MCHR2: variants seen among roughly 807,000 people sequenced by gnomAD.
MCHR2 encodes melanin-concentrating hormone receptor 2.
MCHR2 carries 15 observed loss-of-function variants against 24.8 expected under a neutral mutation model. The observed-to-expected ratio is 0.60, with a 90% CI of 0.40 to 0.93. MCHR2 has a LOEUF of 0.93. Ranked by LOEUF, MCHR2 falls within the 40% of genes least tolerant of loss-of-function variation. MCHR2 has a pLI of 0.00. For synonymous variants in MCHR2, 151 were observed against 147.6 expected, an observed-to-expected ratio of 1.02 and a Z score of -0.17; for missense variants, 386 against 408.7, an observed-to-expected ratio of 0.94 and a Z score of 0.48.
chr6:99,983,340 T>G (rs1246563448), intron 1 of MCHR2, among the ~76,000 whole-genome samples: 1 of 152,158 alleles, frequency 6.6e-6, no homozygotes, highest in Non-Finnish European at 1.5e-5. Flanking sequence ...TACTTAGATG[T>G]TTGTCTATAG....
intron 4 of MCHR2, among the ~76,000 whole-genome samples, chr6:99,935,846 C>A (rs1024209244): frequency 6.6e-6 from 1 of 151,876 alleles, no homozygotes; most frequent in Non-Finnish European, 1.5e-5. Flanking sequence ...TGTTCACATC[C>A]TTGTCAGCAT....
chr6:99,975,365 C>T (rs185837325), intron 1 of MCHR2, among the ~76,000 whole-genome samples: 167 of 152,320 alleles, frequency 1.1e-3, no homozygotes, highest in African/African-American at 3.9e-3. Context: ...CCGTAGGACC[C>T]TCTGAGCCAG....
At chr6:99,941,061 G>A (rs1429610034) in intron 4 of MCHR2, among the ~76,000 whole-genome samples, 7 of 152,026 alleles carry the variant, frequency 4.6e-5, no homozygotes. Flanking sequence ...GGCAGAGACA[G>A]GTATTTTGTC....
chr6:99,931,554 T>C (rs1449928209), intron 5 of MCHR2, among the ~76,000 whole-genome samples: 2 of 152,024 alleles, frequency 1.3e-5, no homozygotes, highest in African/African-American at 2.4e-5. Context: ...CGGGCAACCC[T>C]CCCCCACCCT....
In MCHR2 at chr6:99,947,965, C is replaced by T. The variant is rs199952808; in HGVS notation, c.189G>A (p.Arg63=). ...ILIVFTIIRS[R]KKTVPDIYIC... ...TATAGATGTCAGGGACTGTTTTTTTCCTGGATCTGAAAGAGATAGAGGAAA... is the reference window on the plus strand; with the variant it reads ...TATAGATGTCAGGGACTGTTTTTTTTCTGGATCTGAAAGAGATAGAGGAAA... The change falls in exon 3 of 6, where the codon AGG becomes AGA. Residue 63 remains arginine (R), a synonymous_variant. Coordinates refer to ENST00000281806, the MANE Select transcript of MCHR2 (RefSeq NM_001040179.2). 50 of 1,612,994 alleles carry T rather than the reference C, an allele frequency of 3.1e-5. No individual in the cohort carries two copies. The highest frequency in any genetic ancestry group is 4.1e-5 in the Non-Finnish European group (48 of 1,179,368).
intron 4 of MCHR2, among the ~76,000 whole-genome samples, chr6:99,941,543 T>G (rs1185139405): frequency 6.6e-6 from 1 of 152,126 alleles, no homozygotes; most frequent in Non-Finnish European, 1.5e-5. Context: ...AAGTAGGGTC[T>G]TTGGGAACTA....
intron 1 of MCHR2, among the ~76,000 whole-genome samples, chr6:99,969,258 G>A (rs1290512965): frequency 6.6e-6 from 1 of 151,840 alleles, no homozygotes; most frequent in Non-Finnish European, 1.5e-5. Context: ...GGAGGATCAC[G>A]ATGTTAGGAG....
chr6:99,951,377 T>C (rs1582387935), intron 2 of MCHR2, among the ~76,000 whole-genome samples: 1 of 152,258 alleles, frequency 6.6e-6, no homozygotes, highest in South Asian at 2.1e-4. Flanking sequence ...CCTGCGTGAT[T>C]AGAGATGACT....
chr6:99,990,836 C>T (rs1775859489), intron 1 of MCHR2, among the ~76,000 whole-genome samples: 1 of 151,038 alleles, frequency 6.6e-6, no homozygotes, highest in Non-Finnish European at 1.5e-5. Context: ...CTGCCCAAGG[C>T]CTCAGTATCC....
chr6:99,954,719 G>C (rs1467923597), intron 2 of MCHR2, among the ~76,000 whole-genome samples: 2 of 152,148 alleles, frequency 1.3e-5, no homozygotes, highest in African/African-American at 2.4e-5. Flanking sequence ...ATTGTTTATT[G>C]GTTGGATGTC....
chr6:99,976,045 AG>A, intron 1 of MCHR2, among the ~76,000 whole-genome samples: 1 of 152,320 alleles, frequency 6.6e-6, no homozygotes, highest in Non-Finnish European at 1.5e-5. Context: ...TTATACAACT[AG>A]GGGAAGGTCT....
intron 1 of MCHR2, among the ~76,000 whole-genome samples, chr6:99,977,218 C>A (rs144089000): frequency 6.6e-6 from 1 of 152,290 alleles, no homozygotes; most frequent in East Asian, 1.9e-4. Flanking sequence ...TGTTCAAAAT[C>A]TCCTTTGATC....
chr6:99,923,597 TAAAG>T (rs1423488807), intron 5 of MCHR2, among the ~76,000 whole-genome samples: 1 of 152,088 alleles, frequency 6.6e-6, no homozygotes, highest in East Asian at 1.9e-4. Context: ...GTTTTTATCA[TAAAG>T]AGATGTTGAA....
chr6:99,958,097 T>A (rs1775101794), intron 1 of MCHR2, among the ~76,000 whole-genome samples: 1 of 151,622 alleles, frequency 6.6e-6, no homozygotes, highest in Non-Finnish European at 1.5e-5. Context: ...ATTATAAAGA[T>A]ACAGTAATCT....
At chr6:99,987,599 C>T (rs1236988355) in intron 1 of MCHR2, among the ~76,000 whole-genome samples, 1 of 152,166 alleles carries the variant, frequency 6.6e-6, no homozygotes, top group Non-Finnish European at 1.5e-5. Context: ...ACATTCCATG[C>T]TTTTTCCACT....
intron 4 of MCHR2, among the ~76,000 whole-genome samples, chr6:99,935,108 C>G (rs1358573658): frequency 6.6e-6 from 1 of 151,968 alleles, no homozygotes; most frequent in Non-Finnish European, 1.5e-5. Context: ...TATATCATTT[C>G]AGAGTATATG....
chr6:99,928,115 T>C (rs1248496391), intron 5 of MCHR2, among the ~76,000 whole-genome samples: 3 of 152,192 alleles, frequency 2.0e-5, no homozygotes, highest in Non-Finnish European at 4.4e-5. Flanking sequence ...TTGTCTTTGG[T>C]TCTGTTTATA....
At chr6:99,927,871 A>G (rs1318344756) in intron 5 of MCHR2, among the ~76,000 whole-genome samples, 2 of 152,090 alleles carry the variant, frequency 1.3e-5, no homozygotes, top group East Asian at 1.9e-4. Context: ...TTCCAACACT[A>G]TGTTGAATAG....
At chr6:99,941,865 T>TA (rs1467241211) in intron 4 of MCHR2, among the ~76,000 whole-genome samples, 17 of 152,082 alleles carry the variant, frequency 1.1e-4, no homozygotes, top group Non-Finnish European at 2.5e-4. Flanking sequence ...TTAACTGGAT[T>TA]AGCGGATTTG....
Sources: allele counts gnomAD v4.1 joint callset (sites outside exome capture counted in the v4.1 genomes callset), GRCh38; gene constraint gnomAD v4.1.1; transcripts MANE v1.5; gene names NCBI Gene and HGNC (gene_info 2026-07-23, HGNC 2026-07-21).